NEURL4: variants seen among roughly 807,000 people sequenced by gnomAD.
The protein encoded by NEURL4 is neuralized E3 ubiquitin protein ligase 4.
Under a neutral mutation model 148.0 loss-of-function variants are expected in NEURL4, and 45 were observed. The observed-to-expected ratio is 0.30, with a 90% confidence interval of 0.24 to 0.39. NEURL4 has a LOEUF of 0.39. NEURL4 is among the 10% of genes least tolerant of loss of function. The pLI, the probability that NEURL4 is intolerant of heterozygous loss-of-function variation, is 1.00. For missense variants in NEURL4, 1,776 were observed against 2,144.0 expected, an observed-to-expected ratio of 0.83 and a Z score of 3.39; for synonymous variants, 854 against 869.0, an observed-to-expected ratio of 0.98 and a Z score of 0.30.
Position 7,322,685 on chromosome 17 carries a change from G to A in NEURL4, c.2725+50C>T. 6.3e-7 allele frequency: 1 copy of A among 1,595,034 alleles called. No individual in the cohort carries two copies. The highest frequency in any genetic ancestry group is 1.3e-5 in the African/African-American group (1 of 74,780). On this transcript the variant is annotated intron_variant, in intron 16 of 28. Coordinates refer to ENST00000399464, the MANE Select transcript of NEURL4 (RefSeq NM_032442.3). This position sits in a 1 kb window ranked among gnomAD's most constrained non-coding sequence, Gnocchi z 5.5. ...CTAACCTGGAAACCCTACTCCTCAG[G>A]TGCACAGCAGGCAAGCAGAGCCCGT...
chr17:7,316,258 G>A lies in NEURL4; in HGVS notation c.4554C>T (p.Gly1518=), dbSNP rs368285799. 6.8e-6 allele frequency: 11 copies of A among 1,613,658 alleles called. No individual in the cohort carries two copies. The highest frequency in any genetic ancestry group is 9.3e-6 in the Non-Finnish European group (11 of 1,179,976). The part of the protein sequence containing the change: ...QVAFQVCVRP[G]SYTPGPPSAA... ...CGGAAGGGGGTCCCGGGGTGTAGGAGCCAGGGCGCACACACACCTGGAACG... is the reference window on the plus strand; with the variant it reads ...CGGAAGGGGGTCCCGGGGTGTAGGAACCAGGGCGCACACACACCTGGAACG... The change falls in exon 29 of 29, where the codon GGC becomes GGT. Residue 1518 remains glycine, a synonymous_variant. Coordinates refer to ENST00000399464, the MANE Select transcript of NEURL4 (RefSeq NM_032442.3).
At position 7,326,822 on chromosome 17, in the gene NEURL4, G is replaced by A; in HGVS notation, c.981C>T (p.Leu327=). 6.2e-7 allele frequency: 1 copy of A among 1,613,292 alleles called. No homozygotes were observed. Among genetic ancestry groups the A allele is most frequent in the South Asian group, 1.1e-5 (1 of 90,922 alleles). Residue 327 remains leucine (L), a synonymous_variant, in exon 4 of 29, where the codon CTC becomes CTT. Transcript: ENST00000399464. This position sits in a 1 kb window ranked among gnomAD's most constrained non-coding sequence, Gnocchi z 6.0. ...TCTTATTATTGTTGCTGAGTTTGAT[G>A]AGGGTCCCGCACTTTTCATGAAAGA... ...ALLFHEKCGT[L]IKLSNNNKTA... is the part of the protein sequence containing the mutation.
In NEURL4 at chr17:7,318,372, T is replaced by G. The variant is rs746671052; in HGVS notation, c.3865-16A>C. The G allele has an allele frequency of 6.2e-7, 1 of 1,613,346 alleles. No individual in the cohort carries two copies. Among genetic ancestry groups the G allele is most frequent in the Admixed American group, 1.7e-5 (1 of 59,976 alleles). ...CGATTGTCACCTGCAGGGGAGAGGG[T>G]AGTCAGACAGAGCTTGGTCAGACCC... is the stretch of plus-strand genomic sequence containing the variant. On this transcript the variant is annotated splice_polypyrimidine_tract_variant and intron_variant, in intron 23 of 28. Coordinates refer to ENST00000399464, the MANE Select transcript of NEURL4 (RefSeq NM_032442.3). This position sits in a 1 kb window ranked among gnomAD's most constrained non-coding sequence, Gnocchi z 4.3.
Position 7,316,299 on chromosome 17 carries a change from G to A in NEURL4, c.4513C>T (p.His1505Tyr), listed in dbSNP as rs375435437. The A allele has an allele frequency of 4.3e-6, 7 of 1,612,874 alleles. No homozygotes were observed. Among genetic ancestry groups the A allele is most frequent in the Non-Finnish European group, 5.1e-6 (6 of 1,179,936 alleles). Residue 1505 changes from histidine (H) to tyrosine (Y), a missense_variant, in exon 29 of 29, where the codon CAC becomes TAC. By Grantham distance (83) the His-to-Tyr change is moderately conservative. Coordinates refer to ENST00000399464, the MANE Select transcript of NEURL4 (RefSeq NM_032442.3). Reference protein sequence around the residue: ...QFRDPKSQRTHQAQVAFQVCV... With the variant: ...QFRDPKSQRTYQAQVAFQVCV... Reference sequence around the variant, plus strand: ...ACCTGGAACGCCACCTGAGCCTGGTGCGTCCGCTGGGATTTGGGGTCCCGG... The same window carrying A: ...ACCTGGAACGCCACCTGAGCCTGGTACGTCCGCTGGGATTTGGGGTCCCGG...
In NEURL4 at chr17:7,327,576, G is replaced by C. The variant is rs759946098; in HGVS notation, c.591C>G (p.Gly197=). ...PRVWAVVDLY[G]KCTQITVLPP... is the part of the protein sequence containing the mutation. ...GTAGCACGGTGATCTGGGTGCACTT[G>C]CCATAAAGGTCCACGACGGCCCAGA... The change falls in exon 2 of 29, where the codon GGC becomes GGG. Residue 197 remains glycine (G), a synonymous_variant. Coordinates refer to ENST00000399464, the MANE Select transcript of NEURL4 (RefSeq NM_032442.3). The surrounding 1 kb of genome is among the most constrained non-coding windows in gnomAD (Gnocchi z 6.6). 1.9e-6 allele frequency: 3 copies of C among 1,611,404 alleles called. No homozygotes were observed. The South Asian group carries it at 3.3e-5, about 18-fold the overall frequency.
rs1567620361 is a variant in NEURL4 at position 7,321,818 on chromosome 17, T to A, written c.2872-31A>T. On this transcript the variant is annotated intron_variant, in intron 17 of 28. Transcript: ENST00000399464. This position sits in a 1 kb window ranked among gnomAD's most constrained non-coding sequence, Gnocchi z 6.3. ...AGACAGAGAAAACATAAGCTGGCCCTGTCGTGATGGGCCTCGCAGCCCCTC... is the reference window on the plus strand; with the variant it reads ...AGACAGAGAAAACATAAGCTGGCCCAGTCGTGATGGGCCTCGCAGCCCCTC... 1 of 1,612,030 alleles carries A rather than the reference T, an allele frequency of 6.2e-7. No individual in the cohort carries two copies.
chr17:7,324,980 A>G lies in NEURL4; in HGVS notation c.1632T>C (p.His544=), dbSNP rs1400467393. 1.2e-6 allele frequency: 2 copies of G among 1,613,956 alleles called. No homozygotes were observed. The highest frequency in any genetic ancestry group is 4.5e-5 in the East Asian group (2 of 44,870). Residue 544 remains histidine (H), a splice_region_variant and synonymous_variant, in exon 9 of 29, where the codon CAT becomes CAC. Coordinates refer to ENST00000399464, the MANE Select transcript of NEURL4 (RefSeq NM_032442.3). The surrounding 1 kb of genome is among the most constrained non-coding windows in gnomAD (Gnocchi z 5.9). The part of the protein sequence containing the change: ...THEGRTALRP[H]ATDDFNHGVV... ...CGCCGTGATTGAAGTCATCGGTGGCACTGAGGGCACAGCAAGTGGAGAGTC... is the reference window on the plus strand; with the variant it reads ...CGCCGTGATTGAAGTCATCGGTGGCGCTGAGGGCACAGCAAGTGGAGAGTC...
Position 7,317,334 on chromosome 17 carries a change from C to G in NEURL4, c.4355G>C (p.Gly1452Ala), listed in dbSNP as rs777385291. The change falls in exon 28 of 29, where the codon GGA (glycine) becomes GCA (alanine). Residue 1452 changes from glycine to alanine, a missense_variant. By Grantham distance (60) the Gly-to-Ala change is moderately conservative. Transcript: ENST00000399464. Reference sequence around the variant, plus strand: ...CTCCTCGAACCCTACCCCAGGTTCTCCCTTCAAAGGACGGCAGCTCAGGAT... The same window carrying G: ...CTCCTCGAACCCTACCCCAGGTTCTGCCTTCAAAGGACGGCAGCTCAGGAT... ...ASILSCRPLK[G>A]EPGVGFEEPG... 2 of 1,547,290 alleles carry G rather than the reference C, an allele frequency of 1.3e-6. No homozygotes were observed. Among genetic ancestry groups the G allele is most frequent in the Admixed American group, 3.9e-5 (2 of 51,436 alleles).
Position 7,327,542 on chromosome 17 carries a change from G to T in NEURL4, c.625C>A (p.Pro209Thr). The T allele has an allele frequency of 6.2e-7, 1 of 1,609,268 alleles. No individual in the cohort carries two copies. The change falls in exon 2 of 29, where the codon CCA becomes ACA. Residue 209 changes from proline (P) to threonine (T), a missense_variant. Transcript: ENST00000399464. This position sits in a 1 kb window ranked among gnomAD's most constrained non-coding sequence, Gnocchi z 6.6. The part of the protein sequence containing the change: ...CTQITVLPPE[P>T]GFSPPTPIPT... ...ATGGGAGTAGGGGGGCTGAAGCCTG[G>T]CTCAGGGGGTAGCACGGTGATCTGG...
chr17:7,316,233 C>T lies in NEURL4; in HGVS notation c.4579G>A (p.Ala1527Thr), dbSNP rs201366443. 1,058 of 1,613,772 alleles carry T rather than the reference C, an allele frequency of 6.6e-4. 4 individuals carry two copies. Among genetic ancestry groups the T allele is most frequent in the Middle Eastern group, 8.4e-4 (5 of 5,964 alleles). The change falls in exon 29 of 29, where the codon GCT becomes ACT. Residue 1527 changes from alanine to threonine, a missense_variant. Physicochemically the swap from Ala to Thr is moderately conservative, Grantham distance 58 (BLOSUM62 0). Transcript: ENST00000399464. ...GGGTCAGGAGGTTCTCCAAGGGCAGCGGAAGGGGGTCCCGGGGTGTAGGAG... is the reference window on the plus strand; with the variant it reads ...GGGTCAGGAGGTTCTCCAAGGGCAGTGGAAGGGGGTCCCGGGGTGTAGGAG... The part of the protein sequence containing the change: ...PGSYTPGPPS[A>T]ALGEPPDPHF...
rs752280491 is a variant in NEURL4 at position 7,317,429 on chromosome 17, A to G, written c.4318+32T>C. 3.7e-6 allele frequency: 6 copies of G among 1,613,076 alleles called. No homozygotes were observed. The African/African-American group carries it at 6.7e-5, about 18-fold the overall frequency. On this transcript the variant is annotated intron_variant, in intron 27 of 28. Coordinates refer to ENST00000399464, the MANE Select transcript of NEURL4 (RefSeq NM_032442.3). ...TATTCCTCCACAGCCCCCCAGGCTC[A>G]GCCCACCTTGCATGGGCCTACTCGC...
intron 26 of NEURL4, 63 bp from the exon 27 acceptor site, chr17:7,317,636 C>T (rs1371227400): frequency 6.4e-7 from 1 of 1,572,610 alleles, no homozygotes; most frequent in African/African-American, 1.3e-5. Flanking sequence ...GGAGGAGCTT[C>T]ACGAGGCTCT....
Position 7,324,069 on chromosome 17 carries a change from C to A in NEURL4, c.2062+39G>T, listed in dbSNP as rs751508453. On this transcript the variant is annotated intron_variant, in intron 11 of 28. Transcript: ENST00000399464. The surrounding 1 kb of genome is among the most constrained non-coding windows in gnomAD (Gnocchi z 5.9). ...TAGGTGTCTCTCAGACCTCCCAAGG[C>A]CACCCTAACCCCCAGCCCCAGCCCA... The A allele has an allele frequency of 6.2e-7, 1 of 1,609,486 alleles. No individual in the cohort carries two copies. The highest frequency in any genetic ancestry group is 8.5e-7 in the Non-Finnish European group (1 of 1,179,472).
Position 7,324,064 on chromosome 17 carries a change from C to T in NEURL4, c.2062+44G>A. 6.2e-7 allele frequency: 1 copy of T among 1,609,392 alleles called. No homozygotes were observed. The highest frequency in any genetic ancestry group is 8.5e-7 in the Non-Finnish European group (1 of 1,179,570). On this transcript the variant is annotated intron_variant, in intron 11 of 28. Transcript: ENST00000399464. This position sits in a 1 kb window ranked among gnomAD's most constrained non-coding sequence, Gnocchi z 5.9. ...GTCTCTAGGTGTCTCTCAGACCTCC[C>T]AAGGCCACCCTAACCCCCAGCCCCA...
At chr17:7,328,549 G>A (rs1445800992) in intron 1 of NEURL4, among the ~76,000 whole-genome samples, 2 of 152,136 alleles carry the variant, frequency 1.3e-5, no homozygotes, top group African/African-American at 2.4e-5. Context: ...GATTACAGGC[G>A]CACGCCACCA....
At chr17:7,319,523 A>C (rs2072999829) in intron 21 of NEURL4, among the ~76,000 whole-genome samples, 1 of 151,284 alleles carries the variant, frequency 6.6e-6, no homozygotes, top group Non-Finnish European at 1.5e-5. Context: ...CAACATGGTG[A>C]AACTCCGTCT....
intron 21 of NEURL4, 96 bp downstream of exon 21, chr17:7,320,663 T>C (rs908216803): frequency 8.4e-7 from 1 of 1,194,138 alleles, no homozygotes; most frequent in Non-Finnish European, 1.2e-6. Flanking sequence ...AGTGGCTTGC[T>C]TTCTTTTTCT....
intron 12 of NEURL4, 36 bp from the exon 13 acceptor site, chr17:7,323,759 G>C: frequency 6.2e-7 from 1 of 1,613,886 alleles, no homozygotes; most frequent in Non-Finnish European, 8.5e-7. Flanking sequence ...GGCTCTACTT[G>C]CATGGCTGAG....
At chr17:7,325,148 C>G in intron 8 of NEURL4, 61 bp downstream of exon 8, 4 of 532,664 alleles carry the variant, frequency 7.5e-6, no homozygotes, top group South Asian at 1.8e-5. Flanking sequence ...CTTCCTTGCC[C>G]CGCCCCCCCC....
Sources: gnomAD v4.1 joint callset for allele counts (sites outside exome capture counted in the v4.1 genomes callset) on GRCh38, gnomAD v4.1.1 for gene constraint, Gnocchi (gnomAD v3.1) non-coding constraint, MANE v1.5 for transcripts, NCBI Gene and HGNC (gene_info 2026-07-23, HGNC 2026-07-21) for gene names.